ABCC4: variants seen among roughly 807,000 people sequenced by gnomAD.
ABCC4 encodes the protein ATP binding cassette subfamily C member 4 (PEL blood group), also known as ATP-binding cassette sub-family C member 4.
ABCC4 carries 102 observed loss-of-function variants against 168.5 expected under a neutral mutation model. The observed-to-expected ratio is 0.61, with a 90% CI of 0.52 to 0.71. The LOEUF (loss-of-function observed/expected upper bound fraction) is 0.71. Ranked by LOEUF, ABCC4 falls within the 30% of genes least tolerant of loss-of-function variation. The probability of loss-of-function intolerance (pLI) is 0.00; values close to 1 mark genes in which losing one functional copy is unlikely to be tolerated. For missense variants in ABCC4, 1,402 were observed against 1,605.8 expected (o/e 0.87, Z 2.17); for synonymous variants, 617 against 590.7 (o/e 1.04, Z -0.65).
At chr13:95,300,748 G>T (rs138341989) in intron 1 of ABCC4, among the ~76,000 whole-genome samples, 121 of 152,300 alleles carry the variant, frequency 7.9e-4, no homozygotes, top group South Asian at 3.5e-3. Flanking sequence ...CTTTGGCTGA[G>T]ATCAGATAAA....
intron 27 of ABCC4, among the ~76,000 whole-genome samples, chr13:95,052,102 T>C (rs563211315): frequency 2.6e-5 from 4 of 152,266 alleles, no homozygotes; most frequent in South Asian, 2.1e-4. Flanking sequence ...TGTCTCAGCC[T>C]CCTGAGTAGC....
chr13:95,197,204 C>A (rs140836501), intron 8 of ABCC4, among the ~76,000 whole-genome samples: 64 of 152,306 alleles, frequency 4.2e-4, no homozygotes, highest in African/African-American at 1.5e-3. Flanking sequence ...ATGCTACAGT[C>A]ATAAACAGAC....
chr13:95,269,279 C>T (rs371614004), intron 1 of ABCC4: 23,666 of 429,072 alleles, frequency 0.055, 748 homozygotes, highest in Non-Finnish European at 0.069. Context: ...AATACAGAGC[C>T]TACAACCTGT....
intron 4 of ABCC4, among the ~76,000 whole-genome samples, chr13:95,228,327 A>T (rs946374167): frequency 6.6e-6 from 1 of 152,128 alleles, no homozygotes; most frequent in Non-Finnish European, 1.5e-5. Context: ...GGCGGCAGAC[A>T]TGACTTGGGA....
At chr13:95,242,927 G>A (rs1373895022) in intron 3 of ABCC4, among the ~76,000 whole-genome samples, 2 of 152,130 alleles carry the variant, frequency 1.3e-5, no homozygotes, top group African/African-American at 4.8e-5. Context: ...AAGAGCTTTA[G>A]CTCCCTGAAC....
intron 21 of ABCC4, among the ~76,000 whole-genome samples, chr13:95,077,085 C>T (rs1405032614): frequency 2.0e-5 from 3 of 152,172 alleles, no homozygotes; most frequent in African/African-American, 4.8e-5. Context: ...TGCATAGCAG[C>T]GGACATGAGG....
intron 1 of ABCC4, among the ~76,000 whole-genome samples, chr13:95,299,839 A>C (rs1233725584): frequency 1.3e-5 from 2 of 151,834 alleles, no homozygotes; most frequent in South Asian, 2.1e-4. Flanking sequence ...GAATTCCCCC[A>C]CACACACCCG....
At position 95,247,708 on chromosome 13, in the gene ABCC4, C is replaced by T. The variant is rs147820717; in HGVS notation, c.120G>A (p.Glu40=). The change falls in exon 2 of 31, where the codon GAG becomes GAA. Residue 40 remains glutamate (E), a synonymous_variant. Coordinates refer to ENST00000645237, the MANE Select transcript of ABCC4 (RefSeq NM_005845.5). ...GCAGCACTGAATACATATCATCTTC[C>T]TCTAATCTCCGTTTATGGCCAATTT... ...LFKIGHKRRL[E]EDDMYSVLPE... 1.9e-6 allele frequency: 3 copies of T among 1,613,946 alleles called. No individual in the cohort carries two copies. Among genetic ancestry groups the T allele is most frequent in the African/African-American group, 2.7e-5 (2 of 74,904 alleles).
intron 19 of ABCC4, among the ~76,000 whole-genome samples, chr13:95,136,372 C>G (rs1397441966): frequency 6.6e-6 from 1 of 152,132 alleles, no homozygotes; most frequent in Non-Finnish European, 1.5e-5. Flanking sequence ...CCAGGCTGGT[C>G]TCAAACTCCT....
chr13:95,046,370 G>A lies in ABCC4; in HGVS notation c.3457-1932C>T, dbSNP rs370385272. On this transcript the variant is annotated intron_variant, in intron 27 of 30. Coordinates refer to ENST00000645237, the MANE Select transcript of ABCC4 (RefSeq NM_005845.5). Reference sequence around the variant, plus strand: ...AGGTTATCCACATTGACTTGATGAAGAATAGGGTTGTGAGGTGAAGAATAA... The same window carrying A: ...AGGTTATCCACATTGACTTGATGAAAAATAGGGTTGTGAGGTGAAGAATAA... 2.6e-5 allele frequency among the ~76,000 whole-genome samples: 4 copies of A among 152,276 alleles called. No homozygotes were observed. In the East Asian group the frequency reaches 5.8e-4, roughly 22 times the overall value.
chr13:95,170,376 G>C (rs560626893), intron 14 of ABCC4, 156 bp downstream of exon 14: 2 of 520,382 alleles, frequency 3.8e-6, no homozygotes, highest in Non-Finnish European at 6.8e-6. Flanking sequence ...ATATGGTTTA[G>C]CATGTAATAA....
At chr13:95,193,166 T>C (rs1452699738) in intron 9 of ABCC4, among the ~76,000 whole-genome samples, 1 of 151,770 alleles carries the variant, frequency 6.6e-6, no homozygotes, top group Non-Finnish European at 1.5e-5. Context: ...GTCTAGAGAG[T>C]TTTGACATTT....
intron 3 of ABCC4, among the ~76,000 whole-genome samples, chr13:95,239,949 T>G (rs925857069): frequency 3.3e-5 from 5 of 152,190 alleles, no homozygotes; most frequent in Non-Finnish European, 7.3e-5. Context: ...GCAATGATCA[T>G]GAATGGCTCC....
At chr13:95,120,916 T>C (rs2035548198) in intron 19 of ABCC4, among the ~76,000 whole-genome samples, 1 of 152,326 alleles carries the variant, frequency 6.6e-6, no homozygotes, top group Non-Finnish European at 1.5e-5. Context: ...TGACAGCATC[T>C]ATGACACTGT....
intron 19 of ABCC4, among the ~76,000 whole-genome samples, chr13:95,129,456 A>T (rs957905380): frequency 6.6e-6 from 1 of 152,198 alleles, no homozygotes; most frequent in Non-Finnish European, 1.5e-5. Flanking sequence ...TATAATGGAC[A>T]TGTTGTGGAT....
intron 19 of ABCC4, among the ~76,000 whole-genome samples, chr13:95,145,601 A>AG (rs34154636): frequency 0.35 from 51,629 of 147,872 alleles, 10,032 homozygotes; most frequent in African/African-American, 0.52. Context: ...TGGACAACAG[A>AG]GGAGACCCCA....
intron 22 of ABCC4, chr13:95,075,163 G>GT (rs2033852945): frequency 4.9e-6 from 2 of 409,666 alleles, no homozygotes; most frequent in African/African-American, 2.0e-5. Context: ...TGCAGAAAAC[G>GT]TTTGCTGACA....
At chr13:95,096,877 A>G (rs2034617177) in intron 20 of ABCC4, among the ~76,000 whole-genome samples, 1 of 152,206 alleles carries the variant, frequency 6.6e-6, no homozygotes, top group Admixed American at 6.5e-5. Context: ...ACTGGAAAGG[A>G]CAAATATGTG....
intron 19 of ABCC4, among the ~76,000 whole-genome samples, chr13:95,151,732 A>G (rs142160580): frequency 6.6e-6 from 1 of 152,312 alleles, no homozygotes; most frequent in Non-Finnish European, 1.5e-5. Context: ...CTTTTGTTTC[A>G]ATGTTTGGGA....
Sources: allele counts gnomAD v4.1 joint callset (sites outside exome capture counted in the v4.1 genomes callset), GRCh38; gene constraint gnomAD v4.1.1; transcripts MANE v1.5; gene names NCBI Gene and HGNC (gene_info 2026-07-23, HGNC 2026-07-21).